Variants in BTBD1 observed in about 807,000 individuals in gnomAD.
BTBD1 encodes BTB/POZ domain-containing protein 1.
In BTBD1, 34 loss-of-function variants were observed where a neutral mutation model predicts 48.0. The observed-to-expected ratio is 0.71, with a 90% CI of 0.54 to 0.94. The LOEUF (loss-of-function observed/expected upper bound fraction) is 0.94. Among genes scored for constraint, BTBD1 ranks in the 40% least tolerant of loss-of-function variants. BTBD1 has a pLI of 0.00. For missense variants in BTBD1, 543 were observed against 625.6 expected, an observed-to-expected ratio of 0.87 and a Z score of 1.41; for synonymous variants, 261 against 242.1, an observed-to-expected ratio of 1.08 and a Z score of -0.72.
intron 2 of BTBD1, among the ~76,000 whole-genome samples, chr15:83,050,389 A>C (rs1164472710): frequency 6.6e-6 from 1 of 151,982 alleles, no homozygotes; most frequent in Non-Finnish European, 1.5e-5. Context: ...TGCTAAGAAC[A>C]AATTGACATT....
At position 83,049,074 on chromosome 15, in the gene BTBD1, T is replaced by G. The variant is rs547874583; in HGVS notation, c.664+999A>C. On this transcript the variant is annotated intron_variant, in intron 3 of 7. Coordinates refer to ENST00000261721, the MANE Select transcript of BTBD1 (RefSeq NM_025238.4). Reference sequence around the variant, plus strand: ...AACATTTGTATGATTATCATATACTTTACAAATTTTTACTTGATAAATCAT... The same window carrying G: ...AACATTTGTATGATTATCATATACTGTACAAATTTTTACTTGATAAATCAT... Among the ~76,000 whole-genome samples the G allele has an allele frequency of 3.3e-5, 5 of 152,314 alleles. No homozygotes were observed. The South Asian group carries it at 8.3e-4, about 25-fold the overall frequency.
chr15:83,041,633 G>T, intron 4 of BTBD1, 95 bp downstream of exon 4: 1 of 1,174,174 alleles, frequency 8.5e-7, no homozygotes, highest in South Asian at 1.3e-5. Flanking sequence ...TTGGCCTCTC[G>T]AAAGTGCTGG....
intron 3 of BTBD1, chr15:83,044,853 T>C (rs188370935): frequency 2.3e-4 from 185 of 810,410 alleles, no homozygotes; most frequent in African/African-American, 1.9e-3. Context: ...ATAGTGTTTT[T>C]TTTCATTACT....
At chr15:83,056,629 TTTAC>T (rs1213506921) in intron 1 of BTBD1, 84 bp from the exon 2 acceptor site, 3 of 1,173,276 alleles carry the variant, frequency 2.6e-6, no homozygotes, top group Non-Finnish European at 1.2e-6. Context: ...CTGAGGAGTA[TTTAC>T]TTATATTTTT....
chr15:83,018,311 T>C, intron 7 of BTBD1, 86 bp from the exon 8 acceptor site: 2 of 1,126,520 alleles, frequency 1.8e-6, no homozygotes, highest in Non-Finnish European at 1.2e-6. Context: ...TAATGTTCCA[T>C]TATATTTCAC....
At chr15:83,044,443 G>A (rs2032834816) in intron 3 of BTBD1, 6 of 1,575,076 alleles carry the variant, frequency 3.8e-6, no homozygotes, top group South Asian at 1.1e-5. Context: ...CATGAAGGAG[G>A]AGGAGTGGGA....
chr15:83,030,035 T>A, intron 5 of BTBD1, 101 bp downstream of exon 5: 1 of 1,080,362 alleles, frequency 9.3e-7, no homozygotes, highest in East Asian at 2.4e-5. Flanking sequence ...AAATGAAGTA[T>A]AAAATGAAAT....
In BTBD1 at chr15:83,066,072, G is replaced by C. The variant is rs191816436; in HGVS notation, c.401+679C>G. Among the ~76,000 whole-genome samples, 603 of 152,160 alleles carry C rather than the reference G, an allele frequency of 4.0e-3. 4 individuals are homozygous for C. Among genetic ancestry groups the C allele is most frequent in the African/African-American group, 9.8e-3 (405 of 41,538 alleles). Reference sequence around the variant, plus strand: ...TTTGGGAGGCCGAGGTGGACGGATCGCTTGACCCCAGGAGTCCGAGACCAG... The same window carrying C: ...TTTGGGAGGCCGAGGTGGACGGATCCCTTGACCCCAGGAGTCCGAGACCAG... On this transcript the variant is annotated intron_variant, in intron 1 of 7. Transcript: ENST00000261721.
Position 83,051,290 on chromosome 15 carries a change from A to G in BTBD1, c.559-1112T>C, listed in dbSNP as rs535083362. On this transcript the variant is annotated intron_variant, in intron 2 of 7. Coordinates refer to ENST00000261721, the MANE Select transcript of BTBD1 (RefSeq NM_025238.4). Reference sequence around the variant, plus strand: ...AACCATATCATAAATGACACTAATTATTTGGCATGATGATGACTCTTCATT... The same window carrying G: ...AACCATATCATAAATGACACTAATTGTTTGGCATGATGATGACTCTTCATT... Among the ~76,000 whole-genome samples the G allele has an allele frequency of 1.9e-3, 296 of 152,236 alleles. 2 individuals are homozygous for G. The highest frequency in any genetic ancestry group is 6.8e-3 in the African/African-American group (282 of 41,554).
chr15:83,026,954 C>T (rs922566230), intron 5 of BTBD1, among the ~76,000 whole-genome samples: 3 of 151,736 alleles, frequency 2.0e-5, no homozygotes, highest in Admixed American at 6.6e-5. Flanking sequence ...TAAACCACTG[C>T]TCCTAGGGGA....
intron 5 of BTBD1, 66 bp from the exon 6 acceptor site, chr15:83,020,828 A>C: frequency 9.6e-7 from 1 of 1,042,486 alleles, no homozygotes; most frequent in Non-Finnish European, 1.4e-6. Context: ...AAGGGTTATA[A>C]TTTTTTTTAA....
chr15:83,043,119 A>T (rs1356708222), intron 3 of BTBD1, among the ~76,000 whole-genome samples: 2 of 152,230 alleles, frequency 1.3e-5, no homozygotes, highest in Non-Finnish European at 2.9e-5. Flanking sequence ...ACTCCAGCCC[A>T]GGCAACAGAG....
At position 83,042,459 on chromosome 15, in the gene BTBD1, A is replaced by T. The variant is rs573988172; in HGVS notation, c.665-534T>A. On this transcript the variant is annotated intron_variant, in intron 3 of 7. Transcript: ENST00000261721. ...AGTGCAGAGGCACAATCTCGGCTCA[A>T]TGCAACCTCTGCCTCCTAGGTTCAA... Among the ~76,000 whole-genome samples the T allele has an allele frequency of 2.7e-5, 4 of 150,052 alleles. No homozygotes were observed. In the East Asian group the frequency reaches 5.8e-4, roughly 22 times the overall value.
At chr15:83,050,624 TTA>T (rs1487033174) in intron 2 of BTBD1, among the ~76,000 whole-genome samples, 12 of 152,166 alleles carry the variant, frequency 7.9e-5, no homozygotes, top group African/African-American at 2.9e-4. Flanking sequence ...TACTTAAATC[TTA>T]TAGTCTTTTC....
At position 83,033,752 on chromosome 15, in the gene BTBD1, A is replaced by AT. The variant is rs1462293990; in HGVS notation, c.863-3425dup. Among the ~76,000 whole-genome samples, 6 of 151,068 alleles carry AT rather than the reference A, an allele frequency of 4.0e-5. No homozygotes were observed. In the East Asian group the frequency reaches 9.7e-4, roughly 24 times the overall value. On this transcript the variant is annotated intron_variant, in intron 4 of 7. Coordinates refer to ENST00000261721, the MANE Select transcript of BTBD1 (RefSeq NM_025238.4). ...ACCACCACTCCAGGCTAATTTTTAAATTTTTTTTTGTAAAGACAGGGTTTC... is the reference window on the plus strand; with the variant it reads ...ACCACCACTCCAGGCTAATTTTTAAATTTTTTTTTTGTAAAGACAGGGTTTC...
Position 83,030,487 on chromosome 15 carries a change from TA to T in BTBD1, c.863-160del, listed in dbSNP as rs763185365. ...TTTTGCATATATTTTAAGGTTTCAA[TA>T]AATCCATTTGAGGTTAAACACATTA... is the stretch of plus-strand genomic sequence containing the variant. On this transcript the variant is annotated intron_variant, in intron 4 of 7. Transcript: ENST00000261721. 11 of 621,228 alleles carry T rather than the reference TA, an allele frequency of 1.8e-5. No individual in the cohort carries two copies. The South Asian group carries it at 2.3e-4, about 13-fold the overall frequency. 38.5% of individuals were successfully genotyped at this position (621,228 alleles called of 1,614,324 possible). A position where few individuals can be genotyped will look rare whatever the true frequency, so the allele number is the denominator to read the frequency against.
chr15:83,026,400 C>T (rs1480491341), intron 5 of BTBD1, among the ~76,000 whole-genome samples: 2 of 152,044 alleles, frequency 1.3e-5, no homozygotes, highest in African/African-American at 2.4e-5. Flanking sequence ...AGAACAGTCT[C>T]CCATAACTCA....
At chr15:83,043,048 C>T (rs1232217105) in intron 3 of BTBD1, among the ~76,000 whole-genome samples, 1 of 152,176 alleles carries the variant, frequency 6.6e-6, no homozygotes, top group Non-Finnish European at 1.5e-5. Flanking sequence ...GAGGCTGAGA[C>T]AGCAGGATCA....
At position 83,018,027 on chromosome 15, in the gene BTBD1, T is replaced by A. The variant is rs769264663; in HGVS notation, c.*40A>T. The A allele has an allele frequency of 1.4e-6, 2 of 1,396,602 alleles. No homozygotes were observed. The highest frequency in any genetic ancestry group is 1.9e-6 in the Non-Finnish European group (2 of 1,029,784). 86.5% of individuals were successfully genotyped at this position (1,396,602 alleles called of 1,614,324 possible). A position where few individuals can be genotyped will look rare whatever the true frequency, so the allele number is the denominator to read the frequency against. ...GCCATTTATGTTTTTGACACTAGAT[T>A]GTATGGTATTATTTAGCCAAGATGT... On this transcript the variant is annotated 3_prime_UTR_variant, in exon 8 of 8. Coordinates refer to ENST00000261721, the MANE Select transcript of BTBD1 (RefSeq NM_025238.4).
Sources: gnomAD v4.1 joint callset for allele counts (sites outside exome capture counted in the v4.1 genomes callset) on GRCh38, gnomAD v4.1.1 for gene constraint, MANE v1.5 for transcripts, NCBI Gene and HGNC (gene_info 2026-07-23, HGNC 2026-07-21) for gene names.